NAALADL2: variants seen among roughly 807,000 people sequenced by gnomAD.
The protein encoded by NAALADL2 is N-acetylated alpha-linked acidic dipeptidase like 2, also known as inactive N-acetylated-alpha-linked acidic dipeptidase-like protein 2.
In NAALADL2, 76 loss-of-function variants were observed where a neutral mutation model predicts 87.2. That is an observed-to-expected ratio of 0.87 (90% CI 0.72 to 1.05). The LOEUF (loss-of-function observed/expected upper bound fraction) is 1.05, where lower values mean the gene tolerates loss of function less well. Among genes scored for constraint, NAALADL2 ranks in the 50% least tolerant of loss-of-function variants. The pLI, the probability that NAALADL2 is intolerant of heterozygous loss-of-function variation, is 0.00. For synonymous variants in NAALADL2, 354 were observed against 331.0 expected, an observed-to-expected ratio of 1.07 and a Z score of -0.75; for missense variants, 1,089 against 945.8, an observed-to-expected ratio of 1.15 and a Z score of -1.99.
intron 2 of NAALADL2, among the ~76,000 whole-genome samples, chr3:175,163,826 C>T (rs1043056747): frequency 6.6e-6 from 1 of 152,180 alleles, no homozygotes; most frequent in African/African-American, 2.4e-5. Flanking sequence ...CAGCTGCTCA[C>T]ACACTGGGGA....
At chr3:175,329,316 T>A (rs774094422) in intron 5 of NAALADL2, among the ~76,000 whole-genome samples, 3 of 152,198 alleles carry the variant, frequency 2.0e-5, no homozygotes, top group Non-Finnish European at 2.9e-5. Context: ...AATGACACAG[T>A]TTATTTAATA....
intron 1 of NAALADL2, among the ~76,000 whole-genome samples, chr3:174,942,436 C>T (rs1054789970): frequency 5.9e-5 from 9 of 152,138 alleles, no homozygotes; most frequent in Non-Finnish European, 1.2e-4. Context: ...TGCAGCTAAC[C>T]TGCCCTTTCT....
intron 11 of NAALADL2, among the ~76,000 whole-genome samples, chr3:175,668,889 CATTA>C (rs1733564123): frequency 1.3e-5 from 2 of 152,190 alleles, no homozygotes; most frequent in East Asian, 3.9e-4. Context: ...TTAAAATGGA[CATTA>C]ATTAATAGCA....
At chr3:174,626,517 T>C (rs1374512645) in intron 2 of NAALADL2, among the ~76,000 whole-genome samples, 1 of 152,050 alleles carries the variant, frequency 6.6e-6, no homozygotes, top group Non-Finnish European at 1.5e-5. Context: ...CTTGAAAAAA[T>C]AACCCTGTCT....
chr3:175,318,005 A>G (rs567197823), intron 4 of NAALADL2, among the ~76,000 whole-genome samples: 6 of 152,288 alleles, frequency 3.9e-5, no homozygotes, highest in African/African-American at 1.4e-4. Flanking sequence ...TGTTTATTGC[A>G]TATAATATTG....
chr3:174,748,727 T>G (rs1734527105), intron 3 of NAALADL2, among the ~76,000 whole-genome samples: 1 of 152,058 alleles, frequency 6.6e-6, no homozygotes, highest in African/African-American at 2.4e-5. Context: ...AGAACCAGGG[T>G]GAGCATTTTT....
At chr3:174,759,710 T>A (rs1395414502) in intron 3 of NAALADL2, among the ~76,000 whole-genome samples, 1 of 152,138 alleles carries the variant, frequency 6.6e-6, no homozygotes, top group Admixed American at 6.5e-5. Context: ...TCACTTTTTT[T>A]TTTTTTTGAG....
At chr3:174,749,516 AC>A (rs745348247) in intron 3 of NAALADL2, among the ~76,000 whole-genome samples, 2 of 150,550 alleles carry the variant, frequency 1.3e-5, no homozygotes, top group Non-Finnish European at 3.0e-5. Context: ...AAAAAAAAAA[AC>A]AGCAAAAAAG....
chr3:175,432,396 T>G lies in NAALADL2; in HGVS notation c.1091-14833T>G, dbSNP rs185594530. Among the ~76,000 whole-genome samples the G allele has an allele frequency of 4.7e-3, 721 of 152,156 alleles. 3 individuals are homozygous for G. The highest frequency in any genetic ancestry group is 0.014 in the Middle Eastern group (4 of 294). On this transcript the variant is annotated intron_variant, in intron 5 of 13. Transcript: ENST00000454872. ...AAATCAAAACTTCTAAAATCCCCTT[T>G]GATGGTACTAATTATCTTCTTAAAA... is the stretch of plus-strand genomic sequence containing the variant.
chr3:174,563,712 GGTTT>G (rs1326104859), intron 2 of NAALADL2, among the ~76,000 whole-genome samples: 1 of 151,982 alleles, frequency 6.6e-6, no homozygotes, highest in Non-Finnish European at 1.5e-5. Flanking sequence ...TATGTTTGTA[GGTTT>G]GTTTGTGTTT....
intron 9 of NAALADL2, among the ~76,000 whole-genome samples, chr3:175,542,548 C>T (rs919278544): frequency 5.3e-5 from 8 of 152,012 alleles, no homozygotes; most frequent in African/African-American, 1.7e-4. Flanking sequence ...TTAGTAGAGA[C>T]GGGGTTTTGC....
chr3:175,517,839 A>T (rs1019324608), intron 9 of NAALADL2, among the ~76,000 whole-genome samples: 5 of 152,200 alleles, frequency 3.3e-5, no homozygotes, highest in Non-Finnish European at 5.9e-5. Context: ...CGGATTTTAT[A>T]GACAGGCTTG....
At chr3:174,774,671 T>C (rs1049484057) in intron 3 of NAALADL2, among the ~76,000 whole-genome samples, 4 of 152,182 alleles carry the variant, frequency 2.6e-5, no homozygotes, top group African/African-American at 9.7e-5. Context: ...TTAGCATCTT[T>C]GGCAGTTCTG....
At chr3:175,021,577 A>G (rs925044241) in intron 1 of NAALADL2, among the ~76,000 whole-genome samples, 8 of 152,024 alleles carry the variant, frequency 5.3e-5, no homozygotes, top group African/African-American at 1.7e-4. Flanking sequence ...AGTGTTTCGT[A>G]TTGAACTTGT....
chr3:175,696,033 T>G (rs542736881), intron 11 of NAALADL2, among the ~76,000 whole-genome samples: 1 of 152,276 alleles, frequency 6.6e-6, no homozygotes, highest in African/African-American at 2.4e-5. Context: ...TAAACCTGTC[T>G]CTGAAAGAAA....
chr3:174,764,929 G>A (rs990257654), intron 3 of NAALADL2, among the ~76,000 whole-genome samples: 7 of 151,930 alleles, frequency 4.6e-5, no homozygotes, highest in Non-Finnish European at 8.8e-5. Flanking sequence ...ATAATCTGAA[G>A]CAATTAGAGA....
At chr3:174,819,055 A>ATTTTTTTTTTTT (rs1443066755) in intron 3 of NAALADL2, among the ~76,000 whole-genome samples, 2 of 51,802 alleles carry the variant, frequency 3.9e-5, no homozygotes, top group African/African-American at 1.3e-4. Context: ...TATACCATTT[A>ATTTTTTTTTTTT]TTCTTTTTTT....
intron 1 of NAALADL2, among the ~76,000 whole-genome samples, chr3:174,515,303 T>C (rs1021443467): frequency 6.6e-6 from 1 of 152,132 alleles, no homozygotes; most frequent in Non-Finnish European, 1.5e-5. Flanking sequence ...AAAATCTTGC[T>C]TTAAATTCTC....
At chr3:175,525,088 G>T (rs1235282514) in intron 9 of NAALADL2, among the ~76,000 whole-genome samples, 1 of 151,824 alleles carries the variant, frequency 6.6e-6, no homozygotes, top group African/African-American at 2.4e-5. Flanking sequence ...AGTGATATAT[G>T]TGTATTGTTA....
Sources: gnomAD v4.1 joint callset for allele counts (sites outside exome capture counted in the v4.1 genomes callset) on GRCh38, gnomAD v4.1.1 for gene constraint, MANE v1.5 for transcripts, NCBI Gene and HGNC (gene_info 2026-07-23, HGNC 2026-07-21) for gene names.